Variants in CLN6 observed in about 807,000 individuals in gnomAD.
CLN6 encodes ceroid-lipofuscinosis neuronal protein 6.
In CLN6, 22 loss-of-function variants were observed where a neutral mutation model predicts 33.3. The observed-to-expected ratio is 0.66, with a 90% CI of 0.47 to 0.94. The LOEUF (loss-of-function observed/expected upper bound fraction) is 0.94, where lower values mean the gene tolerates loss of function less well. CLN6 is among the 40% of genes least tolerant of loss of function. The pLI is 0.00. For missense variants in CLN6, 387 were observed against 417.1 expected (o/e 0.93, Z 0.63); for synonymous variants, 201 against 174.6 (o/e 1.15, Z -1.19).
upstream of CLN6, among the ~76,000 whole-genome samples, chr15:68,232,854 C>T (rs2093270238): frequency 6.6e-6 from 1 of 152,070 alleles, no homozygotes; most frequent in African/African-American, 2.4e-5. The surrounding 1 kb of genome is among the most constrained non-coding windows in gnomAD (Gnocchi z 4.7). Flanking sequence ...CCAGCCTGAC[C>T]AACATGGTGA....
chr15:68,214,431 C>T (rs758222976), intron 2 of CLN6, 43 bp from the exon 3 acceptor site: 1 of 1,502,188 alleles, frequency 6.7e-7, no homozygotes, highest in Non-Finnish European at 9.3e-7. Context: ...GGCACAGCCC[C>T]ACGCGGCCCT....
In CLN6 at chr15:68,213,903, T is replaced by C. The variant is rs547223327; in HGVS notation, c.297+387A>G. On this transcript the variant is annotated intron_variant, in intron 3 of 6. Coordinates refer to ENST00000249806, the MANE Select transcript of CLN6 (RefSeq NM_017882.3). The stretch of plus-strand genomic sequence containing the variant: ...GCTGCCTCTCCTGCCACCTGGCTTC[T>C]TCCTCTCTTCCCAGTGGGTCCTTGA... 42 of 240,430 alleles carry C rather than the reference T, an allele frequency of 1.7e-4. No individual in the cohort carries two copies. In the South Asian group the frequency reaches 2.3e-3, roughly 13 times the overall value. The allele number at this position is 240,430 out of a possible 1,614,324, so 14.9% of individuals were successfully genotyped here.
chr15:68,249,518 G>A (rs1892356989), intron 1 of CLN6, among the ~76,000 whole-genome samples: 1 of 152,178 alleles, frequency 6.6e-6, no homozygotes, highest in South Asian at 2.1e-4. Flanking sequence ...CTCTGTCATT[G>A]TAGCAACATA....
At position 68,247,468 on chromosome 15, in the gene CLN6, C is replaced by T. The variant is rs943327959; in HGVS notation, c.179+9222G>A. ...AACAAAACCTAGGAATAAATTTAAC[C>T]GAAGAGGAGAAAGATCTCTTCAAGG... On this transcript the variant is annotated intron_variant, in intron 1 of 6. Transcript: ENST00000538696. This position sits in a 1 kb window ranked among gnomAD's most constrained non-coding sequence, Gnocchi z 4.2. 7.2e-5 allele frequency among the ~76,000 whole-genome samples: 11 copies of T among 151,956 alleles called. 1 individual carries two copies. The highest frequency in any genetic ancestry group is 6.8e-3 in the Middle Eastern group (2 of 294).
intron 2 of CLN6, 34 bp downstream of exon 2, chr15:68,218,502 C>A (rs769109760): frequency 1.4e-6 from 2 of 1,477,706 alleles, no homozygotes; most frequent in South Asian, 2.3e-5. Flanking sequence ...GTCCTCAGTG[C>A]TGGTCAGAGC....
intron 2 of CLN6, among the ~76,000 whole-genome samples, chr15:68,217,291 G>C (rs1312197129): frequency 6.6e-6 from 1 of 152,280 alleles, no homozygotes; most frequent in Middle Eastern, 3.4e-3. Flanking sequence ...GAGTGCAGCG[G>C]TGTGATCACG....
At chr15:68,232,392 T>A (rs1031185974), upstream of CLN6, among the ~76,000 whole-genome samples, 1 of 152,114 alleles carries the variant, frequency 6.6e-6, no homozygotes. This position sits in a 1 kb window ranked among gnomAD's most constrained non-coding sequence, Gnocchi z 4.7. Flanking sequence ...CTACTGACCT[T>A]GTGATCTGCC....
chr15:68,237,401 T>C (rs998770855), intron 1 of CLN6, among the ~76,000 whole-genome samples: 16 of 151,896 alleles, frequency 1.1e-4, no homozygotes, highest in Non-Finnish European at 2.1e-4. Flanking sequence ...GCTGGAGGGA[T>C]CCCTTGAGCC....
At position 68,209,703 on chromosome 15, in the gene CLN6, G is replaced by C. The variant is rs796052357; in HGVS notation, c.599C>G (p.Ser200Cys). 1.9e-6 allele frequency: 3 copies of C among 1,613,734 alleles called. No homozygotes were observed. The highest frequency in any genetic ancestry group is 2.7e-5 in the African/African-American group (2 of 74,926). The change falls in exon 6 of 7, where the codon TCT (serine) becomes TGT (cysteine). Residue 200 changes from serine to cysteine, a missense_variant. By Grantham distance (112) the Ser-to-Cys change is moderately radical. Transcript: ENST00000249806. The surrounding 1 kb of genome is among the most constrained non-coding windows in gnomAD (Gnocchi z 4.9). ...FMYFSGCFTA[S>C]KAESLIPGPA... ...CCCTGGAATCAAGCTCTCAGCTTTA[G>C]AGGCAGTAAAGCAGCCGCTGAAGTA...
chr15:68,250,624 C>CA (rs57895966), intron 1 of CLN6, among the ~76,000 whole-genome samples: 3,784 of 60,608 alleles, frequency 0.062, 112 homozygotes, highest in African/African-American at 0.097. Context: ...GACTCTGTCT[C>CA]AAAAAAAAAA....
chr15:68,248,503 A>G (rs1156967055), intron 1 of CLN6: 1 of 152,134 alleles, frequency 6.6e-6, no homozygotes, highest in East Asian at 1.9e-4. Flanking sequence ...AATACAAAAA[A>G]TTAGCCGGGC....
intron 1 of CLN6, among the ~76,000 whole-genome samples, chr15:68,245,302 A>T (rs1283061292): frequency 1.3e-5 from 2 of 151,978 alleles, no homozygotes; most frequent in Non-Finnish European, 2.9e-5. Flanking sequence ...GTGGCTCATG[A>T]CTGTCATCCC....
intron 2 of CLN6, among the ~76,000 whole-genome samples, chr15:68,216,721 C>G (rs946037775): frequency 6.6e-6 from 1 of 152,218 alleles, no homozygotes; most frequent in African/African-American, 2.4e-5. Context: ...ACGCAAGTCA[C>G]TTCTAAGGTT....
chr15:68,255,784 T>C (rs4776392), intron 1 of CLN6, among the ~76,000 whole-genome samples: 127,942 of 152,198 alleles, frequency 0.84, 57,860 homozygotes, highest in Non-Finnish European at 0.99. Flanking sequence ...ATTTCACCTG[T>C]TTCTTTTTAC....
At chr15:68,235,578 AT>A (rs1892211226) in intron 1 of CLN6, among the ~76,000 whole-genome samples, 1 of 116,516 alleles carries the variant, frequency 8.6e-6, no homozygotes, top group African/African-American at 3.5e-5. Context: ...TAAAAAAAAA[AT>A]AAAAATAAAT....
rs1407849162 is a variant in CLN6, at chr15:68,236,754, A to G, written c.180-18104T>C. On this transcript the variant is annotated intron_variant, in intron 1 of 6. Coordinates refer to the CLN6 transcript ENST00000538696. This position sits in a 1 kb window ranked among gnomAD's most constrained non-coding sequence, Gnocchi z 4.5. ...TTTATGACAAGTGAATTTTATCTCA[A>G]TAAAGCTATTATTTAAGAAAATAAG... is the stretch of plus-strand genomic sequence containing the variant. 6.6e-6 allele frequency among the ~76,000 whole-genome samples: 1 copy of G among 152,262 alleles called. No individual in the cohort carries two copies. Among genetic ancestry groups the G allele is most frequent in the Admixed American group, 6.5e-5 (1 of 15,290 alleles).
At chr15:68,218,416 A>G in intron 2 of CLN6, 120 bp downstream of exon 2, 2 of 791,316 alleles carry the variant, frequency 2.5e-6, no homozygotes, top group South Asian at 2.7e-5. Context: ...ATCCAGGCCT[A>G]TTCTCTCAGT....
At position 68,228,557 on chromosome 15, in the gene CLN6, T is replaced by A. The variant is rs1595826429; in HGVS notation, c.83+945A>T. 6.6e-6 allele frequency among the ~76,000 whole-genome samples: 1 copy of A among 152,264 alleles called. No homozygotes were observed. Among genetic ancestry groups the A allele is most frequent in the Middle Eastern group, 3.4e-3 (1 of 294 alleles). ...CAATCAGTCTGCATCCTCCTGTCAC[T>A]TTCTTTTACAGCCGGAAAGCTCCAG... On this transcript the variant is annotated intron_variant, in intron 1 of 6. Coordinates refer to ENST00000249806, the MANE Select transcript of CLN6 (RefSeq NM_017882.3). This position sits in a 1 kb window ranked among gnomAD's most constrained non-coding sequence, Gnocchi z 4.4.
rs543073911 is a variant in CLN6 at position 68,248,893 on chromosome 15, C to T, written c.179+7797G>A. Among the ~76,000 whole-genome samples the T allele has an allele frequency of 5.3e-5, 8 of 152,104 alleles. No individual in the cohort carries two copies. In the South Asian group the frequency reaches 6.2e-4, roughly 12 times the overall value. ...AAGAATAGGAGAGAATATTTGCAAA[C>T]TATCCATATGACAAGGGGGATTAAT... On this transcript the variant is annotated intron_variant, in intron 1 of 6. Transcript: ENST00000538696.
Sources: allele counts gnomAD v4.1 joint callset (sites outside exome capture counted in the v4.1 genomes callset), GRCh38; gene constraint gnomAD v4.1.1; non-coding constraint Gnocchi (gnomAD v3.1); transcripts MANE v1.5; gene names NCBI Gene and HGNC (gene_info 2026-07-23, HGNC 2026-07-21).